The following PCED1B variants were observed in gnomAD, a reference collection of about 807,000 sequenced individuals.
The protein encoded by PCED1B is PC-esterase domain-containing protein 1B.
For missense variants in PCED1B, 573 were observed against 573.9 expected (o/e 1.00, Z 0.02); for synonymous variants, 251 against 246.1 (o/e 1.02, Z -0.19).
chr12:47,184,883 A>G (rs532998471), intron 2 of PCED1B, among the ~76,000 whole-genome samples: 26 of 152,268 alleles, frequency 1.7e-4, no homozygotes, highest in Non-Finnish European at 2.6e-4. Flanking sequence ...GTTTTTGGCT[A>G]CAGGTGAAAG....
intron 2 of PCED1B, chr12:47,135,525 G>A (rs930211730): frequency 3.9e-6 from 2 of 507,698 alleles, no homozygotes; most frequent in Non-Finnish European, 8.0e-6. Flanking sequence ...AGATGATGAT[G>A]AGCAGAATGG....
chr12:47,191,530 C>CCAGGCAAACG, intron 2 of PCED1B, among the ~76,000 whole-genome samples: 1 of 152,150 alleles, frequency 6.6e-6, no homozygotes, highest in Non-Finnish European at 1.5e-5. Flanking sequence ...TACTCTCATC[C>CCAGGCAAACG]TAGGCAAATT....
intron 2 of PCED1B, among the ~76,000 whole-genome samples, chr12:47,160,263 TTTC>T (rs1941326089): frequency 6.6e-6 from 1 of 151,022 alleles, no homozygotes; most frequent in South Asian, 2.1e-4. Context: ...CTGTTTTTCT[TTTC>T]TTTTCTTTCT....
At chr12:47,150,307 G>T (rs185664617) in intron 2 of PCED1B, among the ~76,000 whole-genome samples, 2 of 152,174 alleles carry the variant, frequency 1.3e-5, no homozygotes, top group Non-Finnish European at 2.9e-5. Context: ...CGGGCGCGGT[G>T]GCTCAAGCCT....
At chr12:47,231,298 A>G (rs1943798638) in intron 3 of PCED1B, among the ~76,000 whole-genome samples, 1 of 152,222 alleles carries the variant, frequency 6.6e-6, no homozygotes. Context: ...AAGCTTTTAT[A>G]CCTTTTAGAC....
intron 3 of PCED1B, among the ~76,000 whole-genome samples, chr12:47,230,242 G>A (rs1249726480): frequency 4.7e-5 from 7 of 147,892 alleles, no homozygotes; most frequent in Non-Finnish European, 8.9e-5. Flanking sequence ...CAGCCACCAC[G>A]CCCTGCTAAT....
chr12:47,155,022 G>A (rs1037656280), intron 2 of PCED1B, among the ~76,000 whole-genome samples: 8 of 152,128 alleles, frequency 5.3e-5, no homozygotes, highest in Non-Finnish European at 1.0e-4. Context: ...GGCACCAGAT[G>A]GTATGGATCA....
intron 2 of PCED1B, among the ~76,000 whole-genome samples, chr12:47,129,734 TATAGTGGCGGAATCACA>T (rs1462290692): frequency 1.3e-5 from 2 of 152,142 alleles, no homozygotes; most frequent in Admixed American, 1.3e-4. Flanking sequence ...CACCTGTGAC[TATAGTGGCGGAATCACA>T]AGGTACAAAG....
intron 2 of PCED1B, among the ~76,000 whole-genome samples, chr12:47,154,302 C>T (rs1330061047): frequency 6.6e-6 from 1 of 152,176 alleles, no homozygotes; most frequent in African/African-American, 2.4e-5. Context: ...TACTCTATGA[C>T]TTCCTTATGA....
intron 2 of PCED1B, among the ~76,000 whole-genome samples, chr12:47,177,222 C>T (rs1306784506): frequency 6.6e-6 from 1 of 152,150 alleles, no homozygotes; most frequent in Non-Finnish European, 1.5e-5. Flanking sequence ...GAGGAAATGC[C>T]ACAAAGGGAT....
chr12:47,189,624 C>T (rs898063044), intron 2 of PCED1B, among the ~76,000 whole-genome samples: 8 of 152,178 alleles, frequency 5.3e-5, no homozygotes, highest in Non-Finnish European at 1.5e-5. Flanking sequence ...ATCCAAAACA[C>T]CATGGACTTA....
intron 3 of PCED1B, among the ~76,000 whole-genome samples, chr12:47,223,342 A>G (rs1381083484): frequency 2.0e-5 from 3 of 152,122 alleles, no homozygotes; most frequent in Non-Finnish European, 4.4e-5. Flanking sequence ...ACTAACAAAC[A>G]TTCCTTGGCT....
At chr12:47,225,492 C>G (rs944423121) in intron 3 of PCED1B, among the ~76,000 whole-genome samples, 3 of 152,168 alleles carry the variant, frequency 2.0e-5, no homozygotes, top group African/African-American at 7.2e-5. Context: ...TCTTTCAAAA[C>G]TGTATATGGC....
chr12:47,207,173 T>C (rs1485107704), intron 2 of PCED1B, among the ~76,000 whole-genome samples: 1 of 152,368 alleles, frequency 6.6e-6, no homozygotes, highest in South Asian at 2.1e-4. Flanking sequence ...CCATGGTCAA[T>C]GCACCAAGAA....
chr12:47,186,221 AAAAAG>A lies in PCED1B; in HGVS notation c.-525-29996_-525-29992del, dbSNP rs1263957732. ...TGACAGAGTGAGACTCCGTCTAAAAAAAAAGAAAAAAAAAAAGAACTTGAACTTAC... is the reference window on the plus strand; with the variant it reads ...TGACAGAGTGAGACTCCGTCTAAAAAAAAAAAAAAAAGAACTTGAACTTAC... On this transcript the variant is annotated intron_variant, in intron 2 of 3. Transcript: ENST00000546455. 1.8e-4 allele frequency among the ~76,000 whole-genome samples: 21 copies of A among 114,862 alleles called. 2 individuals are homozygous for A. The highest frequency in any genetic ancestry group is 1.6e-4 in the Admixed American group (2 of 12,310). 75.4% of individuals were successfully genotyped at this position (114,862 alleles called of 152,430 possible).
At chr12:47,148,380 T>C (rs572031154) in intron 2 of PCED1B, among the ~76,000 whole-genome samples, 1 of 152,342 alleles carries the variant, frequency 6.6e-6, no homozygotes, top group East Asian at 1.9e-4. Context: ...CAGCTATTCC[T>C]AATGCCCATG....
chr12:47,151,743 G>C (rs1157068911), intron 2 of PCED1B, among the ~76,000 whole-genome samples: 1 of 152,180 alleles, frequency 6.6e-6, no homozygotes, highest in Non-Finnish European at 1.5e-5. Flanking sequence ...CCATCACATA[G>C]AGAGAAAGAA....
At chr12:47,168,111 G>T (rs1040077066) in intron 2 of PCED1B, among the ~76,000 whole-genome samples, 1 of 152,186 alleles carries the variant, frequency 6.6e-6, no homozygotes, top group East Asian at 1.9e-4. Flanking sequence ...CTATATTCTG[G>T]AAAAGTACCA....
At chr12:47,084,917 C>A (rs1392485376) in intron 1 of PCED1B, among the ~76,000 whole-genome samples, 1 of 152,218 alleles carries the variant, frequency 6.6e-6, no homozygotes, top group African/African-American at 2.4e-5. Context: ...TAGTGAATCA[C>A]TTGAGGTCAG....
Sources: gnomAD v4.1 joint callset for allele counts (sites outside exome capture counted in the v4.1 genomes callset) on GRCh38, gnomAD v4.1.1 for gene constraint, MANE v1.5 for transcripts, NCBI Gene and HGNC (gene_info 2026-07-23, HGNC 2026-07-21) for gene names.